The following SYT14 variants were observed in gnomAD, a reference collection of about 807,000 sequenced individuals.
The protein encoded by SYT14 is synaptotagmin 14, also known as synaptotagmin-14.
In SYT14, 32 loss-of-function variants were observed where a neutral mutation model predicts 74.2. The observed-to-expected ratio is 0.43, with a 90% confidence interval of 0.33 to 0.58. The LOEUF (loss-of-function observed/expected upper bound fraction) is 0.58, where lower values mean the gene tolerates loss of function less well. Among genes scored for constraint, SYT14 ranks in the 20% least tolerant of loss-of-function variants. The pLI, the probability that SYT14 is intolerant of heterozygous loss-of-function variation, is 0.05. For synonymous variants in SYT14, 298 were observed against 337.7 expected, an observed-to-expected ratio of 0.88 and a Z score of 1.29; for missense variants, 791 against 981.8, an observed-to-expected ratio of 0.81 and a Z score of 2.60.
intron 2 of SYT14, among the ~76,000 whole-genome samples, chr1:209,977,165 G>T (rs1353514997): frequency 1.3e-5 from 2 of 152,094 alleles, no homozygotes; most frequent in Non-Finnish European, 1.5e-5. Context: ...TGTCCAATTT[G>T]CCAGTCTGTG....
chr1:209,992,141 T>C (rs1358826464), intron 2 of SYT14, among the ~76,000 whole-genome samples: 2 of 152,140 alleles, frequency 1.3e-5, no homozygotes, highest in Non-Finnish European at 2.9e-5. Context: ...GAAAATTTTT[T>C]TTTGTTGTTG....
At chr1:210,012,393 G>GT (rs1484691147) in intron 2 of SYT14, among the ~76,000 whole-genome samples, 1 of 152,180 alleles carries the variant, frequency 6.6e-6, no homozygotes, top group African/African-American at 2.4e-5. Context: ...CTCCAAATAT[G>GT]TAAGTTGGTT....
Position 209,954,721 on chromosome 1 carries a change from T to C in SYT14, c.-486+1965T>C, listed in dbSNP as rs531435275. Among the ~76,000 whole-genome samples, 17 of 152,028 alleles carry C rather than the reference T, an allele frequency of 1.1e-4. No individual in the cohort carries two copies. The South Asian group carries it at 3.3e-3, about 30-fold the overall frequency. On this transcript the variant is annotated intron_variant, in intron 2 of 9. Transcript: ENST00000637265. Reference sequence around the variant, plus strand: ...TATTCTTTCTCTCTTTTTTTTTTTTTTCCAGAGACAGATTCTCACTGTCTC... The same window carrying C: ...TATTCTTTCTCTCTTTTTTTTTTTTCTCCAGAGACAGATTCTCACTGTCTC...
At chr1:210,002,066 TAGC>T (rs1413310449) in intron 2 of SYT14, among the ~76,000 whole-genome samples, 1 of 152,220 alleles carries the variant, frequency 6.6e-6, no homozygotes, top group African/African-American at 2.4e-5. Context: ...GTCATTCAGA[TAGC>T]AGCTCTCGCA....
intron 5 of SYT14, among the ~76,000 whole-genome samples, chr1:210,027,721 T>C (rs1044035441): frequency 5.3e-5 from 8 of 152,152 alleles, no homozygotes; most frequent in Non-Finnish European, 1.2e-4. Flanking sequence ...TTCTTTATCG[T>C]GTGTATTATT....
chr1:210,150,290 T>C (rs2083132013), intron 7 of SYT14, among the ~76,000 whole-genome samples: 1 of 152,248 alleles, frequency 6.6e-6, no homozygotes, highest in African/African-American at 2.4e-5. Context: ...TGAAGCTGCC[T>C]GTGTACAAAC....
intron 5 of SYT14, among the ~76,000 whole-genome samples, chr1:210,083,355 G>A (rs746382556): frequency 1.3e-5 from 2 of 152,152 alleles, no homozygotes; most frequent in Non-Finnish European, 2.9e-5. Context: ...TTCAAGGCGT[G>A]ACATAAAAAT....
At chr1:210,096,229 C>A (rs1215291714) in intron 6 of SYT14, among the ~76,000 whole-genome samples, 1 of 152,146 alleles carries the variant, frequency 6.6e-6, no homozygotes, top group Non-Finnish European at 1.5e-5. Flanking sequence ...GTGCTCTTAA[C>A]AACTATATTA....
At chr1:210,066,930 A>G (rs558399177) in intron 5 of SYT14, among the ~76,000 whole-genome samples, 1 of 152,158 alleles carries the variant, frequency 6.6e-6, no homozygotes, top group Admixed American at 6.6e-5. Flanking sequence ...TTTTCTTCCA[A>G]GAGTTTTATA....
At chr1:210,076,858 T>C (rs2081510408) in intron 5 of SYT14, among the ~76,000 whole-genome samples, 1 of 152,150 alleles carries the variant, frequency 6.6e-6, no homozygotes, top group Admixed American at 6.5e-5. Context: ...CCCACATGAC[T>C]CAATCACCTC....
chr1:210,089,392 C>A (rs1362347152), intron 5 of SYT14, among the ~76,000 whole-genome samples: 1 of 152,126 alleles, frequency 6.6e-6, no homozygotes, highest in East Asian at 1.9e-4. Flanking sequence ...TGCCTATATA[C>A]CCAGTAATGG....
chr1:210,009,559 A>AAC (rs1329458066), intron 2 of SYT14, among the ~76,000 whole-genome samples: 1 of 152,084 alleles, frequency 6.6e-6, no homozygotes, highest in Non-Finnish European at 1.5e-5. Flanking sequence ...AAAGATATGT[A>AAC]ACATAAGATA....
At chr1:210,166,139 A>G (rs2083453089) in exon 10 of SYT14, 1 of 152,250 alleles carries the variant, frequency 6.6e-6, no homozygotes, top group Non-Finnish European at 1.5e-5. Context: ...CCTGGAAAAG[A>G]TAATCCCTGA....
chr1:209,990,601 AGT>A (rs1212497199), intron 2 of SYT14, among the ~76,000 whole-genome samples: 3 of 125,782 alleles, frequency 2.4e-5, no homozygotes, highest in African/African-American at 7.9e-5. Context: ...AATGAAATAA[AGT>A]GTGTTGCTTT....
In SYT14 at chr1:210,027,520, G is replaced by A. The variant is rs115226451; in HGVS notation, c.1312+6266G>A. On this transcript the variant is annotated intron_variant, in intron 5 of 9. Transcript: ENST00000637265. ...TTCTTGTCTTCATGTTGAGTAGGCT[G>A]AGGAGGAAGAGGAGGGGTTGGTCTT... 8.8e-3 allele frequency among the ~76,000 whole-genome samples: 1,334 copies of A among 152,188 alleles called. 23 individuals carry two copies. The highest frequency in any genetic ancestry group is 0.031 in the African/African-American group (1,289 of 41,516).
At chr1:210,023,617 C>A (rs2080348544) in intron 5 of SYT14, among the ~76,000 whole-genome samples, 1 of 152,142 alleles carries the variant, frequency 6.6e-6, no homozygotes, top group Non-Finnish European at 1.5e-5. Flanking sequence ...GCTGGGATTA[C>A]AGGCATGAGC....
chr1:210,026,066 T>C (rs966206213), intron 5 of SYT14, among the ~76,000 whole-genome samples: 1 of 151,970 alleles, frequency 6.6e-6, no homozygotes, highest in African/African-American at 2.4e-5. Context: ...TCATGTTTTC[T>C]CCTCTAGGTG....
rs1311330869 is a variant in SYT14, at chr1:210,059,024, A to G, written c.1313-35298A>G. ...GCCCTTTACTTATATTAGTTCATTT[A>G]ATGTTTTGACAGCACTGTGAACTAT... On this transcript the variant is annotated intron_variant, in intron 5 of 9. Coordinates refer to ENST00000637265, the Ensembl canonical transcript of SYT14. 2.6e-5 allele frequency among the ~76,000 whole-genome samples: 4 copies of G among 152,248 alleles called. No individual in the cohort carries two copies. In the East Asian group the frequency reaches 7.7e-4, roughly 29 times the overall value.
At chr1:210,112,447 A>AT (rs1268082351) in intron 7 of SYT14, among the ~76,000 whole-genome samples, 1 of 151,430 alleles carries the variant, frequency 6.6e-6, no homozygotes, top group Non-Finnish European at 1.5e-5. Context: ...ACAGAATAGA[A>AT]TGGGCCTATG....
Sources: gnomAD v4.1 joint callset for allele counts (sites outside exome capture counted in the v4.1 genomes callset) on GRCh38, gnomAD v4.1.1 for gene constraint, MANE v1.5 for transcripts, NCBI Gene and HGNC (gene_info 2026-07-23, HGNC 2026-07-21) for gene names.